Variants in CBFA2T2 observed in about 807,000 individuals in gnomAD.
The protein encoded by CBFA2T2 is protein CBFA2T2.
Under a neutral mutation model 62.2 loss-of-function variants are expected in CBFA2T2, and 11 were observed. The ratio of observed to expected loss-of-function variants is 0.18; its 90% CI spans 0.11 to 0.29. The LOEUF is 0.29. CBFA2T2 is among the 10% of genes least tolerant of loss of function. CBFA2T2 has a pLI of 1.00. For synonymous variants in CBFA2T2, 295 were observed against 287.5 expected (o/e 1.03, Z -0.27); for missense variants, 592 against 774.1 (o/e 0.76, Z 2.79).
chr20:33,628,986 C>T (rs1271408691), intron 7 of CBFA2T2, among the ~76,000 whole-genome samples: 2 of 152,162 alleles, frequency 1.3e-5, no homozygotes, highest in African/African-American at 2.4e-5. Flanking sequence ...AGGTTTGTAG[C>T]CAGGTGCAGT....
At position 33,644,760 on chromosome 20, in the gene CBFA2T2, T is replaced by TGGA. The variant is rs759091857; in HGVS notation, c.*117_*119dup. The TGGA allele has an allele frequency of 5.2e-6, 6 of 1,156,076 alleles. No individual in the cohort carries two copies. Among genetic ancestry groups the TGGA allele is most frequent in the Non-Finnish European group, 7.4e-6 (6 of 816,152 alleles). The allele number at this position is 1,156,076 out of a possible 1,614,324, so 71.6% of individuals were successfully genotyped here. A position where few individuals can be genotyped will look rare whatever the true frequency, so the allele number is the denominator to read the frequency against. ...GCCGGGTCATCAGCAAGAAATGAAT[T>TGGA]GGAGGCAGGAAGAGTCCAAGCCTGA... On this transcript the variant is annotated 3_prime_UTR_variant, in exon 11 of 11. Coordinates refer to ENST00000342704, the MANE Select transcript of CBFA2T2 (RefSeq NM_001032999.3).
chr20:33,564,515 A>C (rs896826183), intron 1 of CBFA2T2, among the ~76,000 whole-genome samples: 6 of 151,800 alleles, frequency 4.0e-5, no homozygotes, highest in African/African-American at 1.5e-4. Flanking sequence ...TCAGCCTCCC[A>C]AAGTGCTGGG....
rs568615204 is a variant in CBFA2T2, at chr20:33,621,390, G to A, written c.511-1725G>A. 7.2e-5 allele frequency among the ~76,000 whole-genome samples: 10 copies of A among 139,324 alleles called. No individual in the cohort carries two copies. The East Asian group carries it at 2.3e-3, about 32-fold the overall frequency. The allele number at this position is 139,324 out of a possible 152,430, so 91.4% of individuals were successfully genotyped here. A position where few individuals can be genotyped will look rare whatever the true frequency, so the allele number is the denominator to read the frequency against. ...CTCGGCTCTACAACCTCTGCCTCCC[G>A]AGTTCAAGCGATTCTTCTGCCTCAG... On this transcript the variant is annotated intron_variant, in intron 4 of 10. Transcript: ENST00000342704.
At chr20:33,510,462 C>A (rs749463591) in intron 1 of CBFA2T2, among the ~76,000 whole-genome samples, 2 of 152,092 alleles carry the variant, frequency 1.3e-5, no homozygotes, top group Non-Finnish European at 2.9e-5. Flanking sequence ...CCGCCCGCCT[C>A]GGCCTCTGGA....
intron 1 of CBFA2T2, among the ~76,000 whole-genome samples, chr20:33,496,631 T>C (rs2011201726): frequency 6.6e-6 from 1 of 152,182 alleles, no homozygotes; most frequent in African/African-American, 2.4e-5. Flanking sequence ...TACAAATGTT[T>C]TGTAGTAGAT....
At chr20:33,607,126 G>A in intron 2 of CBFA2T2, 27 bp downstream of exon 2, 1 of 1,601,396 alleles carries the variant, frequency 6.2e-7, no homozygotes, top group Non-Finnish European at 8.5e-7. Context: ...ACTTATGTTT[G>A]TAGTTCAGAG....
At chr20:33,593,513 C>G (rs1306033018) in intron 1 of CBFA2T2, among the ~76,000 whole-genome samples, 1 of 150,464 alleles carries the variant, frequency 6.6e-6, no homozygotes, top group African/African-American at 2.4e-5. Context: ...CAGTGTCAGC[C>G]TCCCGAGTAG....
In CBFA2T2 at chr20:33,621,067, C is replaced by T. The variant is rs1415614300; in HGVS notation, c.510+1461C>T. On this transcript the variant is annotated intron_variant, in intron 4 of 10. Transcript: ENST00000342704. ...CTCTTTAGTCCACTTTAATCTGGCA[C>T]AGTTACTCAGCTCTTTGTGATCTTG... 1.1e-4 allele frequency among the ~76,000 whole-genome samples: 17 copies of T among 152,222 alleles called. No homozygotes were observed. The East Asian group carries it at 3.1e-3, about 28-fold the overall frequency.
rs769008775 is a variant in CBFA2T2 at position 33,644,927 on chromosome 20, G to A, written c.*281G>A. 2.1e-4 allele frequency: 88 copies of A among 416,488 alleles called. No homozygotes were observed. Among genetic ancestry groups the A allele is most frequent in the Admixed American group, 1.7e-3 (40 of 23,888 alleles). 25.8% of individuals were successfully genotyped at this position (416,488 alleles called of 1,614,324 possible). A position where few individuals can be genotyped will look rare whatever the true frequency, so the allele number is the denominator to read the frequency against. ...TCTCTCCACTGAAGCTGACTTAGCC[G>A]GCCCCTTTTCAGTGTAGACCACCAG... On this transcript the variant is annotated 3_prime_UTR_variant, in exon 11 of 11. Transcript: ENST00000342704.
At chr20:33,636,367 T>A (rs1020370013) in intron 8 of CBFA2T2, among the ~76,000 whole-genome samples, 1 of 152,016 alleles carries the variant, frequency 6.6e-6, no homozygotes, top group Non-Finnish European at 1.5e-5. Flanking sequence ...AATTAGGACA[T>A]AATAGGTAAG....
chr20:33,544,792 G>A (rs1213561088), intron 1 of CBFA2T2, among the ~76,000 whole-genome samples: 11 of 152,128 alleles, frequency 7.2e-5, no homozygotes, highest in South Asian at 2.1e-4. Context: ...TGATCCCCCC[G>A]CCTCAGCCTC....
intron 1 of CBFA2T2, among the ~76,000 whole-genome samples, chr20:33,603,726 CTATT>C (rs2015232195): frequency 6.6e-6 from 1 of 152,110 alleles, no homozygotes; most frequent in African/African-American, 2.4e-5. Context: ...TTCTTCAACT[CTATT>C]TAAGGTTCTC....
At chr20:33,636,204 A>G (rs1280566833) in intron 8 of CBFA2T2, among the ~76,000 whole-genome samples, 1 of 147,718 alleles carries the variant, frequency 6.8e-6, no homozygotes, top group African/African-American at 2.5e-5. Flanking sequence ...GGTTGCAGTG[A>G]GCCAAGATCG....
At chr20:33,620,074 T>G (rs2015885424) in intron 4 of CBFA2T2, among the ~76,000 whole-genome samples, 1 of 152,148 alleles carries the variant, frequency 6.6e-6, no homozygotes, top group African/African-American at 2.4e-5. Flanking sequence ...CCCCAGATAG[T>G]CTAGTTTCTA....
intron 1 of CBFA2T2, among the ~76,000 whole-genome samples, chr20:33,529,000 C>T (rs767403279): frequency 6.6e-5 from 10 of 152,006 alleles, no homozygotes; most frequent in Non-Finnish European, 1.3e-4. Flanking sequence ...GTTTGCACTA[C>T]GCGTGGACCA....
At chr20:33,623,468 C>T (rs926823596) in intron 5 of CBFA2T2, among the ~76,000 whole-genome samples, 172 bp downstream of exon 5, 4 of 152,226 alleles carry the variant, frequency 2.6e-5, no homozygotes, top group Non-Finnish European at 5.9e-5. Flanking sequence ...TCTTTGCTCC[C>T]TGCAGCCTCC....
At chr20:33,540,093 CTT>C (rs1301716116) in intron 1 of CBFA2T2, among the ~76,000 whole-genome samples, 2 of 152,096 alleles carry the variant, frequency 1.3e-5, no homozygotes, top group African/African-American at 4.8e-5. Flanking sequence ...CAGTAATTAA[CTT>C]TTTAATTTTG....
intron 1 of CBFA2T2, among the ~76,000 whole-genome samples, chr20:33,534,896 G>A (rs547525877): frequency 5.4e-4 from 82 of 151,452 alleles, no homozygotes; most frequent in African/African-American, 2.0e-3. Flanking sequence ...CACCATAACA[G>A]ATATAATAAT....
chr20:33,515,858 A>G (rs1202032402), intron 1 of CBFA2T2, among the ~76,000 whole-genome samples: 3 of 151,864 alleles, frequency 2.0e-5, no homozygotes, highest in African/African-American at 7.3e-5. Flanking sequence ...ACTTTCCTAA[A>G]GATAGCTTTC....
Sources: gnomAD v4.1 joint callset for allele counts (sites outside exome capture counted in the v4.1 genomes callset) on GRCh38, gnomAD v4.1.1 for gene constraint, MANE v1.5 for transcripts, NCBI Gene and HGNC (gene_info 2026-07-23, HGNC 2026-07-21) for gene names.